MYLK: variants seen among roughly 807,000 people sequenced by gnomAD.
The protein encoded by MYLK is myosin light chain kinase, smooth muscle.
A neutral mutation model predicts 203.4 loss-of-function variants in MYLK; 106 were observed. That is an observed-to-expected ratio of 0.52 (90% CI 0.45 to 0.61). The LOEUF (loss-of-function observed/expected upper bound fraction) is 0.61. MYLK is among the 20% of genes least tolerant of loss of function. The probability of loss-of-function intolerance (pLI) is 0.00; values close to 1 mark genes in which losing one functional copy is unlikely to be tolerated. For missense variants in MYLK, 2,072 were observed against 2,442.3 expected, an observed-to-expected ratio of 0.85 and a Z score of 3.20; for synonymous variants, 867 against 959.5, an observed-to-expected ratio of 0.90 and a Z score of 1.78.
At chr3:123,843,158 T>A (rs765604644) in intron 2 of MYLK, among the ~76,000 whole-genome samples, 5 of 152,204 alleles carry the variant, frequency 3.3e-5, no homozygotes, top group African/African-American at 7.2e-5. Context: ...CAGCAGTCCA[T>A]GGGTCAAAGC....
At chr3:123,745,246 C>A (rs1226971219) in intron 5 of MYLK, among the ~76,000 whole-genome samples, 1 of 151,988 alleles carries the variant, frequency 6.6e-6, no homozygotes, top group East Asian at 1.9e-4. Context: ...ATCCTGTACC[C>A]CTAGTGCTTG....
intron 13 of MYLK, among the ~76,000 whole-genome samples, chr3:123,719,172 C>T (rs565478284): frequency 2.6e-5 from 4 of 152,296 alleles, no homozygotes; most frequent in Non-Finnish European, 5.9e-5. Flanking sequence ...TGAGAAAGAG[C>T]CCCTGCATCT....
intron 2 of MYLK, among the ~76,000 whole-genome samples, chr3:123,834,028 TTTTG>T (rs528600839): frequency 5.7e-4 from 87 of 152,014 alleles, no homozygotes; most frequent in Non-Finnish European, 1.0e-3. Context: ...CATTACTGTT[TTTTG>T]TTTGTTTGTT....
chr3:123,833,787 A>G (rs906013429), intron 2 of MYLK, among the ~76,000 whole-genome samples: 5 of 152,158 alleles, frequency 3.3e-5, no homozygotes, highest in African/African-American at 1.2e-4. Context: ...CAGGCATTAC[A>G]TCTATCCCCG....
At chr3:123,820,644 C>CCT (rs1560259887) in intron 3 of MYLK, among the ~76,000 whole-genome samples, 38 of 26,028 alleles carry the variant, frequency 1.5e-3, no homozygotes, top group East Asian at 5.9e-3. Context: ...CCTTCCTTCC[C>CCT]TCCTTCCTTC....
In MYLK at chr3:123,709,784, G is replaced by A. The variant is rs777322976; in HGVS notation, c.1914C>T (p.Ser638=). ...ACACTTGGACAGTCATAGTGACCTG[G>A]CTTCCATCCATGACTTTGAGATCAG... ...GLSDLKVMDG[S]QVTMTVQVSG... is the part of the protein sequence containing the mutation. Residue 638 remains serine (S), a synonymous_variant, in exon 14 of 34, where the codon AGC becomes AGT. Coordinates refer to ENST00000360304, the MANE Select transcript of MYLK (RefSeq NM_053025.4). 5 of 1,614,122 alleles carry A rather than the reference G, an allele frequency of 3.1e-6. No homozygotes were observed. The South Asian group carries it at 4.4e-5, about 14-fold the overall frequency.
chr3:123,876,458 G>A (rs549111409), intron 2 of MYLK, 101 bp downstream of exon 2: 46 of 152,158 alleles, frequency 3.0e-4, no homozygotes, highest in Admixed American at 7.8e-4. Context: ...CTATATGAAA[G>A]GAAGTGCTTT....
chr3:123,768,937 C>A (rs1214019942), intron 4 of MYLK, among the ~76,000 whole-genome samples: 1 of 152,234 alleles, frequency 6.6e-6, no homozygotes, highest in African/African-American at 2.4e-5. Context: ...ACTTGCTCTG[C>A]CTCTAGAGAG....
At chr3:123,839,452 C>T (rs1288471453) in intron 2 of MYLK, among the ~76,000 whole-genome samples, 2 of 152,102 alleles carry the variant, frequency 1.3e-5, no homozygotes, top group Non-Finnish European at 2.9e-5. Flanking sequence ...AGGAATATTA[C>T]CAGGGATAAA....
intron 29 of MYLK, among the ~76,000 whole-genome samples, chr3:123,631,224 C>T (rs144502730): frequency 1.0e-3 from 158 of 152,082 alleles, no homozygotes; most frequent in African/African-American, 3.5e-3. Flanking sequence ...ACGGTGAAGT[C>T]CTGTCTCTAC....
intron 32 of MYLK, among the ~76,000 whole-genome samples, chr3:123,619,942 A>G (rs542598422): frequency 6.6e-6 from 1 of 152,352 alleles, no homozygotes; most frequent in East Asian, 1.9e-4. Flanking sequence ...CACAAAATAT[A>G]TGAAAAAGCA....
At position 123,755,077 on chromosome 3, in the gene MYLK, C is replaced by T. The variant is rs116315466; in HGVS notation, c.166-2539G>A. Among the ~76,000 whole-genome samples the T allele has an allele frequency of 5.8e-3, 891 of 152,312 alleles. 13 individuals are homozygous for T. Among genetic ancestry groups the T allele is most frequent in the Non-Finnish European group, 6.4e-3 (436 of 68,028 alleles). ...GAAGGTGGCCCCTCAGGACTCTGCT[C>T]ATACAGTGAATCTGCAAACCATCAT... is the stretch of plus-strand genomic sequence containing the variant. On this transcript the variant is annotated intron_variant, in intron 4 of 33. Coordinates refer to ENST00000360304, the MANE Select transcript of MYLK (RefSeq NM_053025.4).
At chr3:123,805,101 T>A (rs2065324019) in intron 3 of MYLK, among the ~76,000 whole-genome samples, 1 of 152,182 alleles carries the variant, frequency 6.6e-6, no homozygotes. Context: ...CTCGTTTGGC[T>A]CTGGTGCATC....
intron 1 of MYLK, among the ~76,000 whole-genome samples, chr3:123,879,942 C>A (rs993146176): frequency 5.3e-5 from 8 of 152,208 alleles, no homozygotes; most frequent in Non-Finnish European, 1.2e-4. Context: ...GCGTGAGCCA[C>A]CGTGCCTGGC....
At chr3:123,820,611 T>TTTCCTTCC (rs71142760) in intron 3 of MYLK, among the ~76,000 whole-genome samples, 37,216 of 135,912 alleles carry the variant, frequency 0.27, 5,621 homozygotes, top group Non-Finnish European at 0.34. Flanking sequence ...CAGTGATTGA[T>TTTCCTTCC]TTCCTTCCTT....
chr3:123,801,476 A>G (rs1298513086), intron 3 of MYLK, among the ~76,000 whole-genome samples: 3 of 152,232 alleles, frequency 2.0e-5, no homozygotes, highest in South Asian at 4.1e-4. Flanking sequence ...TTTATTACAA[A>G]GGTAGATTAC....
chr3:123,706,998 G>A (rs1030804760), intron 16 of MYLK, among the ~76,000 whole-genome samples: 25 of 152,196 alleles, frequency 1.6e-4, no homozygotes, highest in African/African-American at 5.8e-4. Flanking sequence ...TAACAAAGTC[G>A]GAAGTGATGG....
intron 13 of MYLK, among the ~76,000 whole-genome samples, chr3:123,714,838 A>ATTCTGTCGTCCAATG (rs2061836850): frequency 6.6e-6 from 1 of 152,228 alleles, no homozygotes; most frequent in Admixed American, 6.5e-5. Flanking sequence ...AGAATGGAAA[A>ATTCTGTCGTCCAATG]GGATTGATCG....
At chr3:123,758,378 C>T (rs1258957950) in intron 4 of MYLK, among the ~76,000 whole-genome samples, 2 of 152,206 alleles carry the variant, frequency 1.3e-5, no homozygotes, top group Admixed American at 1.3e-4. Flanking sequence ...GCTCCCCACC[C>T]CCATGTCCAA....
Sources: allele counts gnomAD v4.1 joint callset (sites outside exome capture counted in the v4.1 genomes callset), GRCh38; gene constraint gnomAD v4.1.1; transcripts MANE v1.5; gene names NCBI Gene and HGNC (gene_info 2026-07-23, HGNC 2026-07-21).